Variants in ROR1 observed in about 807,000 individuals in gnomAD.
The protein encoded by ROR1 is ROR family WNT receptor 1, also known as inactive tyrosine-protein kinase transmembrane receptor ROR1.
Under a neutral mutation model 78.8 loss-of-function variants are expected in ROR1, and 19 were observed. That is an observed-to-expected ratio of 0.24 (90% CI 0.17 to 0.35). ROR1 has a LOEUF of 0.35. ROR1 is among the 10% of genes least tolerant of loss of function. The pLI, the probability that ROR1 is intolerant of heterozygous loss-of-function variation, is 1.00. For missense variants in ROR1, 917 were observed against 1,177.8 expected (o/e 0.78, Z 3.24); for synonymous variants, 386 against 433.6 (o/e 0.89, Z 1.36).
intron 1 of ROR1, among the ~76,000 whole-genome samples, chr1:63,854,508 C>T (rs1645136163): frequency 6.6e-6 from 1 of 152,198 alleles, no homozygotes; most frequent in Non-Finnish European, 1.5e-5. Flanking sequence ...TTGTTTGTCT[C>T]ATGAATTTCT....
At chr1:64,042,578 C>A (rs1278624192) in intron 2 of ROR1, among the ~76,000 whole-genome samples, 1 of 152,184 alleles carries the variant, frequency 6.6e-6, no homozygotes. Context: ...TCGGTCCCTT[C>A]ATACCTTCAG....
intron 4 of ROR1, among the ~76,000 whole-genome samples, chr1:64,116,468 A>G (rs1335815762): frequency 6.6e-6 from 1 of 152,192 alleles, no homozygotes; most frequent in Non-Finnish European, 1.5e-5. Flanking sequence ...TTTTTAAATG[A>G]GTATTACCTC....
At chr1:63,825,150 T>C (rs1644945917) in intron 1 of ROR1, among the ~76,000 whole-genome samples, 1 of 152,174 alleles carries the variant, frequency 6.6e-6, no homozygotes, top group Non-Finnish European at 1.5e-5. Context: ...AAACTTAGCA[T>C]ATGACCCAGG....
chr1:63,787,791 G>A (rs774496942), intron 1 of ROR1, among the ~76,000 whole-genome samples: 4 of 152,206 alleles, frequency 2.6e-5, no homozygotes, highest in Non-Finnish European at 5.9e-5. Context: ...CTCCTAAAAT[G>A]TTGGGATTAC....
chr1:63,957,100 A>G (rs1200631727), intron 1 of ROR1, among the ~76,000 whole-genome samples: 2 of 152,056 alleles, frequency 1.3e-5, no homozygotes, highest in African/African-American at 4.8e-5. Context: ...ATGGCTGGTG[A>G]ACTTGTAGGC....
At chr1:64,152,369 C>T (rs1447954955) in intron 7 of ROR1, among the ~76,000 whole-genome samples, 1 of 152,178 alleles carries the variant, frequency 6.6e-6, no homozygotes, top group African/African-American at 2.4e-5. Flanking sequence ...TTAGAAGACA[C>T]CTTTCAGTGC....
In ROR1 at chr1:64,180,613, C is replaced by T. The variant is rs1650523305; in HGVS notation, c.*1758C>T. The T allele has an allele frequency of 6.6e-6, 1 of 152,154 alleles. No homozygotes were observed. Among genetic ancestry groups the T allele is most frequent in the Non-Finnish European group, 1.5e-5 (1 of 68,006 alleles). The allele number at this position is 152,154 out of a possible 1,614,324, so 9.4% of individuals were successfully genotyped here. ...AACATATTTTTGTGGCATAAATAAGCTGATTCAGAAGTTACATTTCTTAAC... is the reference window on the plus strand; with the variant it reads ...AACATATTTTTGTGGCATAAATAAGTTGATTCAGAAGTTACATTTCTTAAC... On this transcript the variant is annotated 3_prime_UTR_variant, in exon 9 of 9. Transcript: ENST00000371079.
chr1:64,070,262 G>A (rs1231067567), intron 4 of ROR1, among the ~76,000 whole-genome samples: 1 of 152,152 alleles, frequency 6.6e-6, no homozygotes, highest in East Asian at 1.9e-4. Flanking sequence ...TCCTGGCATA[G>A]CAATGAGGCC....
At chr1:63,810,911 GA>G (rs1644856394) in intron 1 of ROR1, among the ~76,000 whole-genome samples, 1 of 152,054 alleles carries the variant, frequency 6.6e-6, no homozygotes, top group Non-Finnish European at 1.5e-5. Context: ...GGTAAAGAAA[GA>G]CATGCTTGTC....
rs142916904 is a variant in ROR1, at chr1:63,792,961, G to A, written c.91+18453G>A. Among the ~76,000 whole-genome samples the A allele has an allele frequency of 2.9e-3, 445 of 152,334 alleles. 4 individuals carry two copies. Among genetic ancestry groups the A allele is most frequent in the African/African-American group, 0.01 (427 of 41,566 alleles). ...ATCACTTGAGGTGCTAGGACTCCCA[G>A]TCCACTCTTCCACAATACCAGACAA... On this transcript the variant is annotated intron_variant, in intron 1 of 8. Transcript: ENST00000371079.
intron 1 of ROR1, among the ~76,000 whole-genome samples, chr1:63,900,901 C>T (rs1314603321): frequency 6.6e-6 from 1 of 152,144 alleles, no homozygotes; most frequent in Non-Finnish European, 1.5e-5. Context: ...TAACATGGCT[C>T]TGTGGGCCAG....
chr1:64,141,493 A>G (rs1196171517), intron 6 of ROR1, among the ~76,000 whole-genome samples: 3 of 152,116 alleles, frequency 2.0e-5, no homozygotes, highest in Admixed American at 6.5e-5. Context: ...ACCTCCCACC[A>G]GGCCCCACCT....
At chr1:63,950,469 G>T (rs1432486518) in intron 1 of ROR1, among the ~76,000 whole-genome samples, 1 of 152,212 alleles carries the variant, frequency 6.6e-6, no homozygotes, top group African/African-American at 2.4e-5. Flanking sequence ...ATAATGACCA[G>T]TGAGGACGAC....
At chr1:63,967,268 A>G (rs934970735) in intron 1 of ROR1, among the ~76,000 whole-genome samples, 4 of 152,182 alleles carry the variant, frequency 2.6e-5, no homozygotes, top group Non-Finnish European at 5.9e-5. Context: ...TTCCTTCTGG[A>G]GAAATGACAT....
intron 1 of ROR1, among the ~76,000 whole-genome samples, chr1:63,791,130 A>T (rs959689324): frequency 6.6e-6 from 1 of 152,166 alleles, no homozygotes; most frequent in South Asian, 2.1e-4. Flanking sequence ...CAGCAGGCAC[A>T]TGGAGGCCTG....
intron 4 of ROR1, among the ~76,000 whole-genome samples, chr1:64,109,095 G>A (rs1439458013): frequency 6.6e-6 from 1 of 152,132 alleles, no homozygotes. Flanking sequence ...GATCTCTGGG[G>A]GTGGTTCCTG....
At chr1:63,979,546 G>C (rs1277441627) in intron 1 of ROR1, among the ~76,000 whole-genome samples, 2 of 152,166 alleles carry the variant, frequency 1.3e-5, no homozygotes. Context: ...AGAGAGGGAG[G>C]GATAGGTGAG....
intron 2 of ROR1, among the ~76,000 whole-genome samples, chr1:64,013,693 A>G (rs1021364069): frequency 2.0e-5 from 3 of 152,188 alleles, no homozygotes; most frequent in African/African-American, 7.2e-5. Context: ...AAATCCTTCC[A>G]TCAACCCCTT....
intron 1 of ROR1, among the ~76,000 whole-genome samples, chr1:63,874,998 C>A (rs1287923859): frequency 6.6e-6 from 1 of 152,112 alleles, no homozygotes; most frequent in Non-Finnish European, 1.5e-5. Flanking sequence ...ACTAATGGAA[C>A]CAGCATTTGC....
Sources: allele counts gnomAD v4.1 joint callset (sites outside exome capture counted in the v4.1 genomes callset), GRCh38; gene constraint gnomAD v4.1.1; transcripts MANE v1.5; gene names NCBI Gene and HGNC (gene_info 2026-07-23, HGNC 2026-07-21).